The following CCDC3 variants were observed in gnomAD, a reference collection of about 807,000 sequenced individuals.
CCDC3 encodes the protein coiled-coil domain containing 3.
A neutral mutation model predicts 21.4 loss-of-function variants in CCDC3; 24 were observed. That is an observed-to-expected ratio of 1.12 (90% CI 0.81 to 1.58). The LOEUF is 1.58. Ranked by LOEUF, CCDC3 falls within the 40% of genes most tolerant of loss-of-function variation. The probability of loss-of-function intolerance (pLI) is 0.00; values close to 1 mark genes in which losing one functional copy is unlikely to be tolerated. For missense variants in CCDC3, 425 were observed against 360.9 expected (o/e 1.18, Z -1.44); for synonymous variants, 186 against 166.0 (o/e 1.12, Z -0.93).
chr10:13,033,081 C>A (rs900471460), intron 5 of CCDC3, among the ~76,000 whole-genome samples: 2 of 152,224 alleles, frequency 1.3e-5, no homozygotes, highest in Non-Finnish European at 2.9e-5. Flanking sequence ...TGCTACCTGA[C>A]TTCAAACTAT....
At chr10:12,977,023 C>G (rs1835427485) in intron 2 of CCDC3, among the ~76,000 whole-genome samples, 1 of 152,208 alleles carries the variant, frequency 6.6e-6, no homozygotes, top group African/African-American at 2.4e-5. Flanking sequence ...CCTGTAATCC[C>G]AGCACTTTGG....
At chr10:12,908,820 T>C (rs1398951440) in intron 2 of CCDC3, among the ~76,000 whole-genome samples, 1 of 152,148 alleles carries the variant, frequency 6.6e-6, no homozygotes, top group African/African-American at 2.4e-5. Context: ...TTCAAACTCC[T>C]GACCTCGTGG....
intron 2 of CCDC3, among the ~76,000 whole-genome samples, chr10:12,904,120 G>A (rs1455636051): frequency 2.6e-5 from 4 of 152,048 alleles, no homozygotes; most frequent in African/African-American, 4.8e-5. Context: ...GGAGCTGGAG[G>A]AGGGAGCATC....
At chr10:12,997,436 G>A (rs748130743) in intron 2 of CCDC3, among the ~76,000 whole-genome samples, 14 of 152,328 alleles carry the variant, frequency 9.2e-5, no homozygotes, top group Non-Finnish European at 1.5e-4. Flanking sequence ...CTTTGGAAGA[G>A]TGATGATCAT....
At chr10:13,089,313 T>C (rs572893654) in intron 3 of CCDC3, among the ~76,000 whole-genome samples, 1 of 152,172 alleles carries the variant, frequency 6.6e-6, no homozygotes, top group East Asian at 1.9e-4. Flanking sequence ...CATTTCTTTA[T>C]GTTTAACACT....
rs1834268776 is a variant in CCDC3, at chr10:12,911,399, C to G, written c.550-12720G>C. The stretch of plus-strand genomic sequence containing the variant: ...CTGAATGAAATAACACATTCTAAAG[C>G]TAATATACGCTAATGTTTTTTTGAA... On this transcript the variant is annotated intron_variant, in intron 2 of 2. Transcript: ENST00000378825. Among the ~76,000 whole-genome samples, 4 of 152,284 alleles carry G rather than the reference C, an allele frequency of 2.6e-5. No homozygotes were observed. The South Asian group carries it at 6.2e-4, about 24-fold the overall frequency.
intron 2 of CCDC3, among the ~76,000 whole-genome samples, chr10:12,928,819 A>G (rs1003040946): frequency 6.6e-6 from 1 of 152,076 alleles, no homozygotes; most frequent in African/African-American, 2.4e-5. Flanking sequence ...GCATCTCTCC[A>G]AAGACGCTCA....
intron 2 of CCDC3, among the ~76,000 whole-genome samples, chr10:12,938,747 C>A (rs1008941351): frequency 6.6e-6 from 1 of 152,124 alleles, no homozygotes; most frequent in East Asian, 1.9e-4. Context: ...TGAACTCCTC[C>A]CACCCTCTTT....
intron 2 of CCDC3, among the ~76,000 whole-genome samples, chr10:12,934,897 T>C (rs1423365168): frequency 6.6e-6 from 1 of 152,018 alleles, no homozygotes; most frequent in Non-Finnish European, 1.5e-5. Context: ...CCACAGTGTT[T>C]GGATTACAGG....
intron 2 of CCDC3, among the ~76,000 whole-genome samples, chr10:12,920,572 G>T (rs1834435058): frequency 6.6e-6 from 1 of 152,154 alleles, no homozygotes; most frequent in African/African-American, 2.4e-5. Context: ...CTACGTATTA[G>T]GTTGGCGCAA....
Position 13,070,712 on chromosome 10 carries a change from A to T in CCDC3, c.-270+3156T>A, listed in dbSNP as rs552239981. ...ATTCTCTGTGGAACAAAGTTCCATG[A>T]AAGCCGATCTAAAAGGCCTATGTGG... On this transcript the variant is annotated intron_variant, in intron 4 of 6. Coordinates refer to the CCDC3 transcript ENST00000378839. Among the ~76,000 whole-genome samples, 13 of 152,342 alleles carry T rather than the reference A, an allele frequency of 8.5e-5. No homozygotes were observed. In the South Asian group the frequency reaches 2.7e-3, roughly 32 times the overall value.
chr10:13,027,290 T>C (rs1221002717), intron 5 of CCDC3, among the ~76,000 whole-genome samples: 2 of 152,238 alleles, frequency 1.3e-5, no homozygotes, highest in East Asian at 3.9e-4. Flanking sequence ...GGGCATCCCC[T>C]CCACATCCAA....
chr10:12,901,126 G>T (rs191517132), intron 2 of CCDC3, among the ~76,000 whole-genome samples: 1 of 152,302 alleles, frequency 6.6e-6, no homozygotes, highest in African/African-American at 2.4e-5. Context: ...CCATTGCTGG[G>T]TGTCCTGGGG....
At chr10:12,930,421 G>A (rs1834620628) in intron 2 of CCDC3, among the ~76,000 whole-genome samples, 1 of 152,146 alleles carries the variant, frequency 6.6e-6, no homozygotes, top group South Asian at 2.1e-4. Context: ...CTTTTCCCAT[G>A]CTTGGAATAA....
intron 2 of CCDC3, among the ~76,000 whole-genome samples, chr10:12,907,523 T>C (rs953693624): frequency 6.6e-6 from 1 of 152,172 alleles, no homozygotes; most frequent in African/African-American, 2.4e-5. Flanking sequence ...TGCACACCTA[T>C]ACTCCCAGCT....
intron 2 of CCDC3, among the ~76,000 whole-genome samples, chr10:12,907,323 T>G (rs904548744): frequency 4.9e-4 from 74 of 152,332 alleles, no homozygotes; most frequent in African/African-American, 1.7e-3. Context: ...ATTCACCATC[T>G]TCCCTGTGAA....
At chr10:12,997,440 T>A (rs918925234) in intron 2 of CCDC3, among the ~76,000 whole-genome samples, 5 of 152,198 alleles carry the variant, frequency 3.3e-5, no homozygotes, top group Admixed American at 2.0e-4. Context: ...GGAAGAGTGA[T>A]GATCATCAAA....
intron 2 of CCDC3, among the ~76,000 whole-genome samples, chr10:12,931,606 A>G (rs11258068): frequency 0.097 from 14,842 of 152,298 alleles, 770 homozygotes; most frequent in African/African-American, 0.13. Context: ...CTGAAGGGCT[A>G]AATCAGTGGT....
chr10:13,035,682 TA>T (rs1286256206), intron 5 of CCDC3, among the ~76,000 whole-genome samples: 1 of 152,220 alleles, frequency 6.6e-6, no homozygotes. Flanking sequence ...ATCCAGGTTT[TA>T]TGATCATCAT....
Sources: allele counts gnomAD v4.1 joint callset (sites outside exome capture counted in the v4.1 genomes callset), GRCh38; gene constraint gnomAD v4.1.1; transcripts MANE v1.5; gene names NCBI Gene and HGNC (gene_info 2026-07-23, HGNC 2026-07-21).